The following ANKRD12 variants were observed in gnomAD, a reference collection of about 807,000 sequenced individuals.
ANKRD12 encodes the protein ankyrin repeat domain 12, also known as ankyrin repeat domain-containing protein 12.
In ANKRD12, 85 loss-of-function variants were observed where a neutral mutation model predicts 183.4. The ratio of observed to expected loss-of-function variants is 0.46; its 90% CI spans 0.39 to 0.56. ANKRD12 has a LOEUF of 0.56. ANKRD12 is among the 20% of genes least tolerant of loss of function. ANKRD12 has a pLI of 0.00. For missense variants in ANKRD12, 2,405 were observed against 2,357.1 expected (o/e 1.02, Z -0.42); for synonymous variants, 914 against 800.2 (o/e 1.14, Z -2.40).
intron 1 of ANKRD12, among the ~76,000 whole-genome samples, chr18:9,174,405 A>G (rs1483189318): frequency 6.6e-6 from 1 of 151,636 alleles, no homozygotes; most frequent in Non-Finnish European, 1.5e-5. Flanking sequence ...AGTCTGTAAA[A>G]CTCCTGGGTT....
intron 10 of ANKRD12, among the ~76,000 whole-genome samples, chr18:9,265,752 C>G (rs1041221135): frequency 6.6e-6 from 1 of 152,154 alleles, no homozygotes; most frequent in African/African-American, 2.4e-5. Flanking sequence ...TCACCAGCAA[C>G]GGAACAAAGC....
intron 6 of ANKRD12, among the ~76,000 whole-genome samples, chr18:9,214,223 T>G (rs2035965006): frequency 6.6e-6 from 1 of 152,098 alleles, no homozygotes; most frequent in South Asian, 2.1e-4. Flanking sequence ...GTTCTATCAC[T>G]TACTACCATA....
rs1298155903 is a variant in ANKRD12 at position 9,257,247 on chromosome 18, C to G, written c.3980C>G (p.Ser1327Ter). 6.2e-7 allele frequency: 1 copy of G among 1,614,090 alleles called. No individual in the cohort carries two copies. Among genetic ancestry groups the G allele is most frequent in the Non-Finnish European group, 8.5e-7 (1 of 1,180,000 alleles). The change falls in exon 9 of 13, where the codon TCA (serine) becomes TGA (stop). Residue 1327 changes from serine to a stop codon, truncating the protein, a stop_gained. Transcript: ENST00000262126. LOFTEE classifies it high-confidence loss of function. Reference sequence around the variant, plus strand: ...CATACCAAACAATTCCAAACAATATCAGAAGAGAGCAATCAAGGTAGCTTA... The same window carrying G: ...CATACCAAACAATTCCAAACAATATGAGAAGAGAGCAATCAAGGTAGCTTA... Reference protein sequence around the residue: ...CEHTKQFQTISEESNQGSLLT... With the variant: ...CEHTKQFQTI
rs1598729715 is a variant in ANKRD12 at position 9,258,677 on chromosome 18, C to A, written c.5410C>A (p.Gln1804Lys). Residue 1804 changes from glutamine to lysine, a missense_variant, in exon 9 of 13, where the codon CAA (glutamine) becomes AAA (lysine). This residue lies in a region of ANKRD12 where 1,983 missense variants were observed against 1,725.9 expected (regional missense o/e 1.15). Coordinates refer to ENST00000262126, the MANE Select transcript of ANKRD12 (RefSeq NM_015208.5). ...TGTGCAAGTGAGTCCCTCTTTACTACAAGCAAAAGAGAAAACTCAGCAATC... is the reference window on the plus strand; with the variant it reads ...TGTGCAAGTGAGTCCCTCTTTACTAAAAGCAAAAGAGAAAACTCAGCAATC... The part of the protein sequence containing the change: ...QPVQVSPSLL[Q>K]AKEKTQQSLA... The A allele has an allele frequency of 6.2e-7, 1 of 1,613,902 alleles. No homozygotes were observed. The highest frequency in any genetic ancestry group is 8.5e-7 in the Non-Finnish European group (1 of 1,179,894).
chr18:9,154,794 TGATG>T (rs2030153987), intron 1 of ANKRD12, among the ~76,000 whole-genome samples: 1 of 152,206 alleles, frequency 6.6e-6, no homozygotes, highest in African/African-American at 2.4e-5. Flanking sequence ...CTGGCTTAAG[TGATG>T]GATGGATGTT....
At chr18:9,245,846 G>A (rs1271223970) in intron 8 of ANKRD12, among the ~76,000 whole-genome samples, 1 of 152,104 alleles carries the variant, frequency 6.6e-6, no homozygotes, top group Admixed American at 6.5e-5. Context: ...TTACGGAAAG[G>A]TCACAAAGTA....
In ANKRD12 at chr18:9,254,376, A is replaced by C; in HGVS notation, c.1109A>C (p.Glu370Ala). ...GAGTTCAAAGATGATGATGATGAAG[A>C]AATTAATAAGATGATTGATGATAGG... Reference protein sequence around the residue: ...EYEFKDDDDEEINKMIDDRHI... With the variant: ...EYEFKDDDDEAINKMIDDRHI... The change falls in exon 9 of 13, where the codon GAA becomes GCA. Residue 370 changes from glutamate (E) to alanine (A), a missense_variant. Glu to Ala is a moderately radical substitution (Grantham distance 107, BLOSUM62 -1). Coordinates refer to ENST00000262126, the MANE Select transcript of ANKRD12 (RefSeq NM_015208.5). 1 of 1,609,792 alleles carries C rather than the reference A, an allele frequency of 6.2e-7. No homozygotes were observed. Among genetic ancestry groups the C allele is most frequent in the Non-Finnish European group, 8.5e-7 (1 of 1,178,592 alleles).
At chr18:9,233,154 G>C (rs2037152068) in intron 8 of ANKRD12, among the ~76,000 whole-genome samples, 1 of 151,936 alleles carries the variant, frequency 6.6e-6, no homozygotes, top group Admixed American at 6.6e-5. Context: ...GCCTGGCCAA[G>C]ACCGATTTTC....
intron 1 of ANKRD12, among the ~76,000 whole-genome samples, chr18:9,152,686 A>G (rs1379082746): frequency 6.6e-6 from 1 of 152,074 alleles, no homozygotes; most frequent in African/African-American, 2.4e-5. Context: ...CTTCTGTCAC[A>G]TAGATTGAAT....
intron 8 of ANKRD12, among the ~76,000 whole-genome samples, chr18:9,251,213 T>C (rs1419939893): frequency 6.6e-6 from 1 of 152,198 alleles, no homozygotes; most frequent in Non-Finnish European, 1.5e-5. Flanking sequence ...TTAAGAGATT[T>C]TGAGGGAGGG....
chr18:9,252,807 T>C (rs951179355), intron 8 of ANKRD12, among the ~76,000 whole-genome samples: 1 of 152,272 alleles, frequency 6.6e-6, no homozygotes, highest in Middle Eastern at 3.4e-3. Context: ...CTACCAAAAA[T>C]ACAAAAAATA....
At chr18:9,153,108 A>G (rs2078737621) in intron 1 of ANKRD12, among the ~76,000 whole-genome samples, 1 of 152,194 alleles carries the variant, frequency 6.6e-6, no homozygotes, top group African/African-American at 2.4e-5. Flanking sequence ...TGTTGGAATT[A>G]CAGGCGTGAG....
At position 9,195,606 on chromosome 18, in the gene ANKRD12, T is replaced by C. The variant is rs1387943414; in HGVS notation, c.143T>C (p.Val48Ala). 6 of 1,612,266 alleles carry C rather than the reference T, an allele frequency of 3.7e-6. No homozygotes were observed. The South Asian group carries it at 5.5e-5, about 15-fold the overall frequency. ...ACTCCAAAAATTGAACGAAGTGATG[T>C]GAGCAAGGAGATGAAAGAGAAATCA... Reference protein sequence around the residue: ...SKTPKIERSDVSKEMKEKSSM... With the variant: ...SKTPKIERSDASKEMKEKSSM... Residue 48 changes from valine (V) to alanine (A), a missense_variant, in exon 3 of 13, where the codon GTG becomes GCG. This residue lies in a region of ANKRD12 where 145 missense variants were observed against 145.6 expected (regional missense o/e 1.00). Coordinates refer to ENST00000262126, the MANE Select transcript of ANKRD12 (RefSeq NM_015208.5).
At chr18:9,226,000 C>A (rs1256403448) in intron 8 of ANKRD12, among the ~76,000 whole-genome samples, 1 of 152,084 alleles carries the variant, frequency 6.6e-6, no homozygotes, top group Admixed American at 6.5e-5. Context: ...CTTAAGCATG[C>A]ATTTCATTAG....
At chr18:9,186,365 CTAGT>C (rs1327061372) in intron 2 of ANKRD12, among the ~76,000 whole-genome samples, 2 of 152,090 alleles carry the variant, frequency 1.3e-5, no homozygotes, top group Non-Finnish European at 2.9e-5. Context: ...TTACATTCCT[CTAGT>C]TAACAAATTT....
At position 9,211,702 on chromosome 18, in the gene ANKRD12, C is replaced by T. The variant is rs766577112; in HGVS notation, c.570C>T (p.His190=). Residue 190 remains histidine, a synonymous_variant, in exon 6 of 13, where the codon CAC becomes CAT. Transcript: ENST00000262126. ...KRNERGETPL[H]MAAIRGDVKQ... ...ATGAACGTGGTGAAACTCCTTTACACATGGCTGCTATTCGAGGAGATGTGA... is the reference window on the plus strand; with the variant it reads ...ATGAACGTGGTGAAACTCCTTTACATATGGCTGCTATTCGAGGAGATGTGA... The T allele has an allele frequency of 6.2e-7, 1 of 1,613,782 alleles. No homozygotes were observed. The highest frequency in any genetic ancestry group is 1.7e-4 in the Middle Eastern group (1 of 6,058).
chr18:9,256,072 T>A lies in ANKRD12; in HGVS notation c.2805T>A (p.Asn935Lys). ...SKEKHLMEKK[N>K]KQSDNSEYSK... ...AAAAGCACTTGATGGAGAAAAAAAA[T>A]AAACAATCAGATAATAGTGAATACA... Residue 935 changes from asparagine (N) to lysine (K), a missense_variant, in exon 9 of 13, where the codon AAT (asparagine) becomes AAA (lysine). By Grantham distance (94) the Asn-to-Lys change is moderately conservative (BLOSUM62 0). Around this residue, in one of 7 missense-constraint regions of ANKRD12, gnomAD observed 1,983 missense variants for 1,725.9 expected, o/e 1.15. Coordinates refer to ENST00000262126, the MANE Select transcript of ANKRD12 (RefSeq NM_015208.5). The A allele has an allele frequency of 1.9e-6, 3 of 1,557,420 alleles. No homozygotes were observed. The highest frequency in any genetic ancestry group is 2.6e-6 in the Non-Finnish European group (3 of 1,158,042).
intron 10 of ANKRD12, 29 bp downstream of exon 10, chr18:9,263,917 C>T: frequency 7.5e-7 from 1 of 1,326,394 alleles, no homozygotes; most frequent in Non-Finnish European, 1.0e-6. Context: ...TACACTTATG[C>T]TAAAAATAAC....
At chr18:9,254,135 T>C in intron 8 of ANKRD12, 76 bp from the exon 9 acceptor site, 1 of 1,433,940 alleles carries the variant, frequency 7.0e-7, no homozygotes. Context: ...TATATCTTTT[T>C]CTCAGAAAAA....
Sources: gnomAD v4.1 joint callset for allele counts (sites outside exome capture counted in the v4.1 genomes callset) on GRCh38, gnomAD v4.1.1 for gene constraint, gnomAD v4.1.1 regional missense constraint, MANE v1.5 for transcripts, NCBI Gene and HGNC (gene_info 2026-07-23, HGNC 2026-07-21) for gene names.